Variants in GDPD3 observed in about 807,000 individuals in gnomAD.
The protein encoded by GDPD3 is glycerophosphodiester phosphodiesterase domain containing 3.
In GDPD3, 40 loss-of-function variants were observed where a neutral mutation model predicts 43.7. The observed-to-expected ratio is 0.91, with a 90% CI of 0.71 to 1.19. The LOEUF (loss-of-function observed/expected upper bound fraction) is 1.19. Among genes scored for constraint, GDPD3 ranks in the 50% most tolerant of loss-of-function variants. GDPD3 has a pLI of 0.00. For synonymous variants in GDPD3, 145 were observed against 162.9 expected, an observed-to-expected ratio of 0.89 and a Z score of 0.84; for missense variants, 363 against 415.8, an observed-to-expected ratio of 0.87 and a Z score of 1.11.
chr16:30,113,136 T>A lies in GDPD3; in HGVS notation c.140-72A>T. On this transcript the variant is annotated intron_variant, in intron 1 of 9. Transcript: ENST00000406256. The surrounding 1 kb of genome is among the most constrained non-coding windows in gnomAD (Gnocchi z 5.9). ...CCTGGCCCAACCTCATCACCCACAT[T>A]CCCTCTCTGGGCTCCATCCTCCCTC... is the stretch of plus-strand genomic sequence containing the variant. 1.4e-6 allele frequency: 2 copies of A among 1,440,804 alleles called. No individual in the cohort carries two copies. The allele number at this position is 1,440,804 out of a possible 1,614,324, so 89.3% of individuals were successfully genotyped here.
In GDPD3 at chr16:30,112,709, G is replaced by T. The variant is rs776846892; in HGVS notation, c.267C>A (p.Asn89Lys). The T allele has an allele frequency of 2.5e-6, 4 of 1,613,908 alleles. No individual in the cohort carries two copies. The highest frequency in any genetic ancestry group is 1.1e-5 in the South Asian group (1 of 91,084). Residue 89 changes from asparagine (N) to lysine (K), a missense_variant, in exon 3 of 10, where the codon AAC (asparagine) becomes AAA (lysine). Physicochemically the swap from Asn to Lys is moderately conservative, Grantham distance 94. Transcript: ENST00000406256. This position sits in a 1 kb window ranked among gnomAD's most constrained non-coding sequence, Gnocchi z 5.4. ...DRVVVVSHDE[N>K]LCRQSGLNRD... ...TGTTTAGGCCCGACTGGCGGCACAG[G>T]TTCTCATCATGTGACACCACCACCA...
intron 7 of GDPD3, among the ~76,000 whole-genome samples, chr16:30,109,072 C>T (rs924628147): frequency 4.6e-5 from 7 of 152,058 alleles, no homozygotes; most frequent in African/African-American, 1.4e-4. Flanking sequence ...CTTTGTGATC[C>T]GCCCGCCTTG....
chr16:30,108,870 C>T (rs894381195), intron 7 of GDPD3, among the ~76,000 whole-genome samples: 31 of 151,030 alleles, frequency 2.1e-4, no homozygotes, highest in African/African-American at 6.1e-4. Context: ...CTTGCTCTGT[C>T]GCCCAGGCTG....
chr16:30,112,542 C>T lies in GDPD3; in HGVS notation c.345G>A (p.Leu115=). 1 of 1,614,156 alleles carries T rather than the reference C, an allele frequency of 6.2e-7. No homozygotes were observed. The highest frequency in any genetic ancestry group is 8.5e-7 in the Non-Finnish European group (1 of 1,180,018). ...FEDLPLYKEK[L]EVYFSPGHFA... Reference sequence around the variant, plus strand: ...TCTCACCTGGAGAGAAGTAAACCTCCAGCTTCTCCTTGTAGAGGGGCAGGT... The same window carrying T: ...TCTCACCTGGAGAGAAGTAAACCTCTAGCTTCTCCTTGTAGAGGGGCAGGT... The change falls in exon 4 of 10, where the codon CTG becomes CTA. Residue 115 remains leucine (L), a synonymous_variant. Coordinates refer to ENST00000406256, the MANE Select transcript of GDPD3 (RefSeq NM_024307.3). The surrounding 1 kb of genome is among the most constrained non-coding windows in gnomAD (Gnocchi z 5.4).
In GDPD3 at chr16:30,113,400, G is replaced by A. The variant is rs764307408; in HGVS notation, c.79C>T (p.His27Tyr). 2 of 1,612,618 alleles carry A rather than the reference G, an allele frequency of 1.2e-6. No individual in the cohort carries two copies. The highest frequency in any genetic ancestry group is 2.2e-5 in the East Asian group (1 of 44,838). ...GGAGCCCTGGGCGTGTGCAGCAGAT[G>A]AGGCCGGCGCAGGAAGAAGATGGAG... ...MLSIFFLRRP[H>Y]LLHTPRAPTF... The change falls in exon 1 of 10, where the codon CAT (histidine) becomes TAT (tyrosine). Residue 27 changes from histidine to tyrosine, a missense_variant. His to Tyr is a moderately conservative substitution (Grantham distance 83). Coordinates refer to ENST00000406256, the MANE Select transcript of GDPD3 (RefSeq NM_024307.3). The surrounding 1 kb of genome is among the most constrained non-coding windows in gnomAD (Gnocchi z 5.9).
intron 7 of GDPD3, among the ~76,000 whole-genome samples, chr16:30,109,021 A>T (rs187223588): frequency 2.0e-5 from 3 of 151,926 alleles, no homozygotes; most frequent in South Asian, 2.1e-4. Context: ...TAGTAGAGAC[A>T]GGGTTTCACC....
Position 30,108,237 on chromosome 16 carries a change from T to G in GDPD3, c.795A>C (p.Arg265=), listed in dbSNP as rs981660383. The G allele has an allele frequency of 3.1e-6, 5 of 1,607,882 alleles. No individual in the cohort carries two copies. In the African/African-American group the frequency reaches 6.7e-5, roughly 22 times the overall value. The part of the protein sequence containing the change: ...KWLIMRKSLI[R]HLEERGVQVV... The stretch of plus-strand genomic sequence containing the variant: ...CCTGCACCCCTCGCTCCTCCAAGTG[T>G]CGGATCAGACTCTTCCTCATGATCA... The change falls in exon 9 of 10, where the codon CGA becomes CGC. Residue 265 remains arginine, a synonymous_variant. Coordinates refer to ENST00000406256, the MANE Select transcript of GDPD3 (RefSeq NM_024307.3).
At chr16:30,105,071 C>G in intron 9 of GDPD3, 62 bp from the exon 10 acceptor site, 1 of 1,393,404 alleles carries the variant, frequency 7.2e-7, no homozygotes, top group Admixed American at 2.0e-5. Context: ...GAGTGGGGAC[C>G]CACCTCCTCC....
At position 30,109,025 on chromosome 16, in the gene GDPD3, T is replaced by C. The variant is rs573588417; in HGVS notation, c.708-593A>G. 9.2e-5 allele frequency among the ~76,000 whole-genome samples: 14 copies of C among 151,942 alleles called. No individual in the cohort carries two copies. The East Asian group carries it at 1.4e-3, about 15-fold the overall frequency. On this transcript the variant is annotated intron_variant, in intron 7 of 9. Transcript: ENST00000406256. The stretch of plus-strand genomic sequence containing the variant: ...TTTTGTATTTTTAGTAGAGACAGGG[T>C]TTCACCCTGTTAGCCAGGATGGTCT...
Position 30,112,044 on chromosome 16 carries a change from T to A in GDPD3, c.573+88A>T. The A allele has an allele frequency of 1.9e-6, 2 of 1,032,792 alleles. No individual in the cohort carries two copies. Among genetic ancestry groups the A allele is most frequent in the South Asian group, 2.7e-5 (2 of 75,420 alleles). 64.0% of individuals were successfully genotyped at this position (1,032,792 alleles called of 1,614,324 possible). On this transcript the variant is annotated intron_variant, in intron 6 of 9. Coordinates refer to ENST00000406256, the MANE Select transcript of GDPD3 (RefSeq NM_024307.3). This position sits in a 1 kb window ranked among gnomAD's most constrained non-coding sequence, Gnocchi z 5.4. ...GGGAACTCTCCCAGACCCCTCTAGC[T>A]CGGGTCCCCATGCTGGGTGGGCTCC...
Position 30,113,011 on chromosome 16 carries a change from G to C in GDPD3, c.182+11C>G. On this transcript the variant is annotated intron_variant, in intron 2 of 9. Transcript: ENST00000406256. This position sits in a 1 kb window ranked among gnomAD's most constrained non-coding sequence, Gnocchi z 5.9. ...TCACATGGCAGCCTGGGCAGGGGCA[G>C]ATACACTCACTTCTCCATGGCCTCC... is the stretch of plus-strand genomic sequence containing the variant. 6.2e-7 allele frequency: 1 copy of C among 1,612,574 alleles called. No homozygotes were observed. The highest frequency in any genetic ancestry group is 8.5e-7 in the Non-Finnish European group (1 of 1,179,022).
intron 9 of GDPD3, among the ~76,000 whole-genome samples, chr16:30,106,844 G>T (rs1297118249): frequency 6.6e-6 from 1 of 152,006 alleles, no homozygotes; most frequent in Non-Finnish European, 1.5e-5. Flanking sequence ...GTAGAGCTGG[G>T]ATTACAGGCA....
At chr16:30,108,527 T>C (rs1035575137) in intron 7 of GDPD3, 95 bp from the exon 8 acceptor site, 13 of 1,092,772 alleles carry the variant, frequency 1.2e-5, no homozygotes, top group Admixed American at 3.4e-5. Context: ...AGGGTAGCGC[T>C]GCCCTCCCAC....
At chr16:30,105,901 A>C (rs1252743978) in intron 9 of GDPD3, among the ~76,000 whole-genome samples, 1 of 151,616 alleles carries the variant, frequency 6.6e-6, no homozygotes, top group Non-Finnish European at 1.5e-5. Flanking sequence ...AACTAAGGTC[A>C]GGAGTTCGAG....
At chr16:30,109,041 A>G (rs977311406) in intron 7 of GDPD3, among the ~76,000 whole-genome samples, 30 of 152,064 alleles carry the variant, frequency 2.0e-4, no homozygotes, top group African/African-American at 6.8e-4. Context: ...CCTGTTAGCC[A>G]GGATGGTCTC....
Position 30,108,204 on chromosome 16 carries a change from C to A in GDPD3, c.819+9G>T, listed in dbSNP as rs8061772. 1,370,528 of 1,580,250 alleles carry A rather than the reference C, an allele frequency of 0.87. 595,688 individuals carry two copies. Among genetic ancestry groups the A allele is most frequent in the East Asian group, 0.98 (43,658 of 44,370 alleles). On this transcript the variant is annotated intron_variant, in intron 9 of 9. Coordinates refer to ENST00000406256, the MANE Select transcript of GDPD3 (RefSeq NM_024307.3). Reference sequence around the variant, plus strand: ...CTGTGTGCGGTGGAAGTGGTGGTCACGGCCTCACCTGCACCCCTCGCTCCT... The same window carrying A: ...CTGTGTGCGGTGGAAGTGGTGGTCAAGGCCTCACCTGCACCCCTCGCTCCT...
chr16:30,112,974 A>T lies in GDPD3; in HGVS notation c.182+48T>A. 1 of 1,573,858 alleles carries T rather than the reference A, an allele frequency of 6.4e-7. No homozygotes were observed. The highest frequency in any genetic ancestry group is 8.7e-7 in the Non-Finnish European group (1 of 1,144,764). On this transcript the variant is annotated intron_variant, in intron 2 of 9. Coordinates refer to ENST00000406256, the MANE Select transcript of GDPD3 (RefSeq NM_024307.3). The surrounding 1 kb of genome is among the most constrained non-coding windows in gnomAD (Gnocchi z 5.4). ...GTCCCTTGCTGTGATGCAGTCCACG[A>T]CCTGCACACCCTCACATGGCAGCCT... is the stretch of plus-strand genomic sequence containing the variant.
Position 30,112,288 on chromosome 16 carries a change from C to CCCTGCCTGCAGCTG in GDPD3, c.483+17_483+18insCAGCTGCAGGCAGG, listed in dbSNP as rs2072906898. On this transcript the variant is annotated intron_variant, in intron 5 of 9. Transcript: ENST00000406256. The surrounding 1 kb of genome is among the most constrained non-coding windows in gnomAD (Gnocchi z 5.4). ...CTCACGCCCCCGGTGGCCGCCCTAG[C>CCCTGCCTGCAGCTG]CCTGCCTGCAGCACCACCTCACGGA... is the stretch of plus-strand genomic sequence containing the variant. The CCCTGCCTGCAGCTG allele has an allele frequency of 2.5e-6, 4 of 1,613,588 alleles. No individual in the cohort carries two copies. The highest frequency in any genetic ancestry group is 3.4e-6 in the Non-Finnish European group (4 of 1,179,606).
At chr16:30,105,932 G>A (rs62057756) in intron 9 of GDPD3, among the ~76,000 whole-genome samples, 46,335 of 151,150 alleles carry the variant, frequency 0.31, 8,012 homozygotes, top group South Asian at 0.4. Context: ...CCAACATGGT[G>A]AAATCCCATC....
Sources: allele counts gnomAD v4.1 joint callset (sites outside exome capture counted in the v4.1 genomes callset), GRCh38; gene constraint gnomAD v4.1.1; non-coding constraint Gnocchi (gnomAD v3.1); transcripts MANE v1.5; gene names NCBI Gene and HGNC (gene_info 2026-07-23, HGNC 2026-07-21).